CDH12: variants seen among roughly 807,000 people sequenced by gnomAD.
CDH12 encodes cadherin 12.
In CDH12, 41 loss-of-function variants were observed where a neutral mutation model predicts 74.1. That is an observed-to-expected ratio of 0.55 (90% CI 0.43 to 0.72). The LOEUF is 0.72. Among genes scored for constraint, CDH12 ranks in the 30% least tolerant of loss-of-function variants. The pLI is 0.00. For missense variants in CDH12, 945 were observed against 977.2 expected, an observed-to-expected ratio of 0.97 and a Z score of 0.44; for synonymous variants, 399 against 355.0, an observed-to-expected ratio of 1.12 and a Z score of -1.39.
chr5:22,684,939 T>G lies in CDH12; in HGVS notation c.-523+168119A>C, dbSNP rs113244456. Among the ~76,000 whole-genome samples the G allele has an allele frequency of 1.6e-4, 25 of 152,278 alleles. 1 individual carries two copies. The highest frequency in any genetic ancestry group is 7.2e-4 in the Admixed American group (11 of 15,296). ...ACACATGAGTTTTGTTGTTGTTGTTTTTTTCCTCCAATAGGCTCAGAAAGT... is the reference window on the plus strand; with the variant it reads ...ACACATGAGTTTTGTTGTTGTTGTTGTTTTCCTCCAATAGGCTCAGAAAGT... On this transcript the variant is annotated intron_variant, in intron 1 of 14. Coordinates refer to ENST00000382254, the MANE Select transcript of CDH12 (RefSeq NM_004061.5).
intron 3 of CDH12, among the ~76,000 whole-genome samples, chr5:22,273,199 A>T: frequency 6.6e-6 from 1 of 152,170 alleles, no homozygotes. Flanking sequence ...AACAATTACA[A>T]TAGTAGCAAC....
chr5:22,777,427 A>T (rs1747160291), intron 1 of CDH12, among the ~76,000 whole-genome samples: 1 of 152,114 alleles, frequency 6.6e-6, no homozygotes, highest in Admixed American at 6.6e-5. Context: ...GACTTCATGA[A>T]TTCTAATTTT....
intron 1 of CDH12, among the ~76,000 whole-genome samples, chr5:22,556,320 T>C (rs1394413830): frequency 6.6e-6 from 1 of 152,044 alleles, no homozygotes; most frequent in Non-Finnish European, 1.5e-5. Context: ...GTGCAAAATA[T>C]GTGTTAAATA....
At chr5:21,911,863 C>T (rs1753874008) in intron 6 of CDH12, among the ~76,000 whole-genome samples, 1 of 151,272 alleles carries the variant, frequency 6.6e-6, no homozygotes, top group Non-Finnish European at 1.5e-5. Context: ...TTTTTGTTTT[C>T]CCATTAAAAA....
intron 5 of CDH12, among the ~76,000 whole-genome samples, chr5:22,022,383 G>T (rs944920722): frequency 6.6e-6 from 1 of 152,130 alleles, no homozygotes; most frequent in African/African-American, 2.4e-5. Context: ...TGAATACATG[G>T]CTTGCTTCCC....
chr5:22,356,899 C>A (rs1313693403), intron 3 of CDH12, among the ~76,000 whole-genome samples: 2 of 152,032 alleles, frequency 1.3e-5, no homozygotes, highest in Non-Finnish European at 2.9e-5. Context: ...ATACTAGTAG[C>A]AACCAAAATA....
At chr5:22,619,850 C>CA (rs1737882808) in intron 1 of CDH12, among the ~76,000 whole-genome samples, 1 of 152,056 alleles carries the variant, frequency 6.6e-6, no homozygotes, top group Admixed American at 6.6e-5. Context: ...ACAAGTAAGG[C>CA]ATGATGTGTA....
At chr5:22,446,088 C>T (rs1744805321) in intron 2 of CDH12, among the ~76,000 whole-genome samples, 1 of 152,000 alleles carries the variant, frequency 6.6e-6, no homozygotes, top group Admixed American at 6.6e-5. Context: ...TTCAGGAAAC[C>T]TCTATTAACT....
chr5:22,151,983 T>C (rs917853979), intron 4 of CDH12: 2 of 152,132 alleles, frequency 1.3e-5, no homozygotes, highest in African/African-American at 4.8e-5. Context: ...TGCAGTTCCG[T>C]TCTCGGGGGA....
intron 1 of CDH12, among the ~76,000 whole-genome samples, chr5:22,511,253 A>G (rs984094383): frequency 6.6e-6 from 1 of 152,342 alleles, no homozygotes; most frequent in African/African-American, 2.4e-5. Flanking sequence ...TTGAAAACAC[A>G]AAATTTGAAT....
At chr5:22,743,718 C>T (rs1580950430) in intron 1 of CDH12, among the ~76,000 whole-genome samples, 1 of 152,206 alleles carries the variant, frequency 6.6e-6, no homozygotes, top group African/African-American at 2.4e-5. Context: ...GACAGAAAGA[C>T]ATTTTTAAAA....
chr5:22,836,051 T>C (rs1460290897), intron 1 of CDH12, among the ~76,000 whole-genome samples: 2 of 152,104 alleles, frequency 1.3e-5, no homozygotes, highest in African/African-American at 2.4e-5. Flanking sequence ...GAGTATGGTA[T>C]GAATTCTTTC....
intron 4 of CDH12, among the ~76,000 whole-genome samples, chr5:22,151,147 C>G (rs765944516): frequency 1.3e-5 from 2 of 152,108 alleles, no homozygotes; most frequent in Non-Finnish European, 2.9e-5. Context: ...CATGTGGAAA[C>G]CAAGGCACAG....
At chr5:21,854,553 C>T (rs971163375) in intron 7 of CDH12, 118 bp downstream of exon 7, 35 of 683,180 alleles carry the variant, frequency 5.1e-5, no homozygotes, top group Non-Finnish European at 7.0e-5. Context: ...TTGCTTAATG[C>T]GCATCGCACT....
At chr5:22,544,808 C>T (rs1327645519) in intron 1 of CDH12, among the ~76,000 whole-genome samples, 1 of 150,956 alleles carries the variant, frequency 6.6e-6, no homozygotes, top group African/African-American at 2.4e-5. Context: ...CAGAGTGAGA[C>T]TCTGTCAAAA....
intron 5 of CDH12, among the ~76,000 whole-genome samples, chr5:22,018,421 T>C (rs1220487889): frequency 1.3e-5 from 2 of 151,724 alleles, no homozygotes; most frequent in Non-Finnish European, 2.9e-5. Flanking sequence ...AAAATATAAC[T>C]CAAAAAATAA....
intron 2 of CDH12, among the ~76,000 whole-genome samples, chr5:22,436,201 T>C (rs902474283): frequency 3.5e-5 from 5 of 142,384 alleles, no homozygotes; most frequent in African/African-American, 1.0e-4. Flanking sequence ...TTCTCACTTA[T>C]AGGTGGGAAT....
At chr5:21,880,572 T>TTTCTTTCTTTCCTTCTTTCC (rs1752224436) in intron 6 of CDH12, among the ~76,000 whole-genome samples, 1 of 12,910 alleles carries the variant, frequency 7.7e-5, no homozygotes, top group Admixed American at 9.7e-4. Flanking sequence ...CCCTTCTTTC[T>TTTCTTTCTTTCCTTCTTTCC]TTCCTTCCTT....
intron 3 of CDH12, among the ~76,000 whole-genome samples, chr5:22,387,371 A>AG (rs1742045074): frequency 6.6e-6 from 1 of 152,088 alleles, no homozygotes; most frequent in Non-Finnish European, 1.5e-5. Flanking sequence ...TCTTCCCTTT[A>AG]GTTGTTACAG....
Sources: gnomAD v4.1 joint callset for allele counts (sites outside exome capture counted in the v4.1 genomes callset) on GRCh38, gnomAD v4.1.1 for gene constraint, MANE v1.5 for transcripts, NCBI Gene and HGNC (gene_info 2026-07-23, HGNC 2026-07-21) for gene names.